The following FAXDC2 variants were observed in gnomAD, a reference collection of about 807,000 sequenced individuals.
FAXDC2 encodes fatty acid hydroxylase domain-containing protein 2.
A neutral mutation model predicts 40.9 loss-of-function variants in FAXDC2; 41 were observed. The observed-to-expected ratio is 1.00, with a 90% confidence interval of 0.78 to 1.30. The LOEUF is 1.30. Ranked by LOEUF, FAXDC2 falls within the 50% of genes most tolerant of loss-of-function variation. The pLI, the probability that FAXDC2 is intolerant of heterozygous loss-of-function variation, is 0.00. For synonymous variants in FAXDC2, 157 were observed against 149.3 expected, an observed-to-expected ratio of 1.05 and a Z score of -0.38; for missense variants, 390 against 408.8, an observed-to-expected ratio of 0.95 and a Z score of 0.40.
chr5:154,822,721 C>T (rs1273511650), intron 6 of FAXDC2, 144 bp from the exon 7 acceptor site: 3 of 663,778 alleles, frequency 4.5e-6, no homozygotes, highest in Non-Finnish European at 8.1e-6. Context: ...AAATTTCAAC[C>T]CCAGCCCTTA....
At chr5:154,837,924 C>T (rs1470514161) in intron 2 of FAXDC2, among the ~76,000 whole-genome samples, 2 of 152,178 alleles carry the variant, frequency 1.3e-5, no homozygotes, top group Non-Finnish European at 2.9e-5. Context: ...AACGCACATT[C>T]GCAGTCTGCA....
chr5:154,827,554 G>A (rs558866280), intron 5 of FAXDC2, among the ~76,000 whole-genome samples: 6 of 151,084 alleles, frequency 4.0e-5, no homozygotes, highest in African/African-American at 1.5e-4. Flanking sequence ...GCCAGGTTTC[G>A]CCAGCCTGTT....
chr5:154,834,512 C>T (rs1760269251), intron 4 of FAXDC2, 113 bp downstream of exon 4: 4 of 774,980 alleles, frequency 5.2e-6, no homozygotes, highest in African/African-American at 1.8e-5. Context: ...TTCAAGTCCT[C>T]ATCCCTTGGA....
intron 4 of FAXDC2, among the ~76,000 whole-genome samples, chr5:154,832,905 T>C (rs898530350): frequency 2.0e-5 from 3 of 152,330 alleles, no homozygotes; most frequent in Middle Eastern, 3.4e-3. Context: ...GTTCAGCCCA[T>C]TGTCAGAGTC....
In FAXDC2 at chr5:154,820,454, C is replaced by G; in HGVS notation, c.864G>C (p.Gly288=). The part of the protein sequence containing the change: ...YHHLKFNQCY[G]VLGVLDHLHG... ...GGAGGTGGTCCAGCACACCCAGCAC[C>G]CCATAGCACTGGTTGAACCTAGAAG... The change falls in exon 9 of 9, where the codon GGG becomes GGC. Residue 288 remains glycine, a synonymous_variant. Transcript: ENST00000326080. 6.2e-7 allele frequency: 1 copy of G among 1,612,116 alleles called. No individual in the cohort carries two copies. The highest frequency in any genetic ancestry group is 1.1e-5 in the South Asian group (1 of 90,870).
At chr5:154,844,062 T>C (rs571132457) in intron 1 of FAXDC2, among the ~76,000 whole-genome samples, 2 of 151,884 alleles carry the variant, frequency 1.3e-5, no homozygotes, top group East Asian at 3.9e-4. Flanking sequence ...CTACTAAAAA[T>C]ACAAAAATTA....
intron 1 of FAXDC2, among the ~76,000 whole-genome samples, chr5:154,842,824 C>T (rs1355963278): frequency 6.6e-6 from 1 of 151,376 alleles, no homozygotes; most frequent in African/African-American, 2.4e-5. Context: ...GCCACTGCAC[C>T]CGGCCCTTTT....
At chr5:154,842,914 C>A (rs748165310) in intron 1 of FAXDC2, among the ~76,000 whole-genome samples, 1 of 150,810 alleles carries the variant, frequency 6.6e-6, no homozygotes, top group African/African-American at 2.4e-5. Context: ...ATTAAGAGAT[C>A]CTCCTGCCTC....
intron 1 of FAXDC2, among the ~76,000 whole-genome samples, chr5:154,845,172 C>T (rs1760571251): frequency 1.3e-5 from 2 of 152,146 alleles, no homozygotes; most frequent in South Asian, 4.1e-4. Flanking sequence ...TATGTTATGC[C>T]AAAGCAGCTT....
chr5:154,836,765 C>T (rs1247576701), intron 2 of FAXDC2, among the ~76,000 whole-genome samples: 3 of 152,144 alleles, frequency 2.0e-5, no homozygotes, highest in Non-Finnish European at 4.4e-5. Flanking sequence ...ATTCTTGCCT[C>T]CCAAGTTCAA....
chr5:154,843,399 A>G (rs953509251), intron 1 of FAXDC2, among the ~76,000 whole-genome samples: 12 of 152,244 alleles, frequency 7.9e-5, no homozygotes, highest in African/African-American at 2.9e-4. Context: ...ACTATGTGCA[A>G]GGAGCTGTAG....
At chr5:154,840,570 C>T (rs1448160121) in intron 1 of FAXDC2, among the ~76,000 whole-genome samples, 1 of 151,970 alleles carries the variant, frequency 6.6e-6, no homozygotes, top group Non-Finnish European at 1.5e-5. Flanking sequence ...GCTCTGTTGC[C>T]CAGGCTGGAG....
chr5:154,846,135 T>C (rs1320448902), intron 1 of FAXDC2, among the ~76,000 whole-genome samples: 1 of 151,970 alleles, frequency 6.6e-6, no homozygotes, highest in African/African-American at 2.4e-5. Context: ...TTGAATTCAG[T>C]GCTCATTATA....
rs1278631945 is a variant in FAXDC2 at position 154,822,653 on chromosome 5, A to C, written c.573-76T>G. On this transcript the variant is annotated intron_variant, in intron 6 of 8. Coordinates refer to ENST00000326080, the MANE Select transcript of FAXDC2 (RefSeq NM_032385.5). ...CCCGACCAGACCATGAGAAACCAAAAATAGGAACTAGGGGTTACATCCATG... is the reference window on the plus strand; with the variant it reads ...CCCGACCAGACCATGAGAAACCAAACATAGGAACTAGGGGTTACATCCATG... 5 of 1,136,302 alleles carry C rather than the reference A, an allele frequency of 4.4e-6. No individual in the cohort carries two copies. In the African/African-American group the frequency reaches 7.6e-5, roughly 17 times the overall value. 70.4% of individuals were successfully genotyped at this position (1,136,302 alleles called of 1,614,324 possible).
intron 4 of FAXDC2, 104 bp downstream of exon 4, chr5:154,834,521 G>T: frequency 1.2e-6 from 1 of 834,468 alleles, no homozygotes; most frequent in Non-Finnish European, 1.9e-6. Flanking sequence ...TCATCCCTTG[G>T]AATAATAAAC....
Position 154,819,398 on chromosome 5 carries a change from T to C in FAXDC2, c.*918A>G, listed in dbSNP as rs985150317. 3.9e-5 allele frequency: 6 copies of C among 152,160 alleles called. No homozygotes were observed. Among genetic ancestry groups the C allele is most frequent in the Non-Finnish European group, 8.8e-5 (6 of 68,036 alleles). 9.4% of individuals were successfully genotyped at this position (152,160 alleles called of 1,614,324 possible). A position where few individuals can be genotyped will look rare whatever the true frequency, so the allele number is the denominator to read the frequency against. ...TCGGGGGAGAAAGGATTTTGCTCTT[T>C]GCTCTGCCATGTTTTTCCGGGCTCT... On this transcript the variant is annotated 3_prime_UTR_variant, in exon 9 of 9. Transcript: ENST00000326080.
intron 5 of FAXDC2, chr5:154,830,274 A>G (rs1046298346): frequency 6.5e-6 from 1 of 153,018 alleles, no homozygotes; most frequent in African/African-American, 2.4e-5. Context: ...GGCCTCACTT[A>G]TCATGGATTT....
rs549287741 is a variant in FAXDC2 at position 154,825,982 on chromosome 5, T to C, written c.367-2390A>G. On this transcript the variant is annotated intron_variant, in intron 5 of 8. Transcript: ENST00000326080. ...ATCATGAATTGGCAATTTCTATTAG[T>C]ATCCACGTGGAGATGTCAAGGAGGG... Among the ~76,000 whole-genome samples the C allele has an allele frequency of 8.2e-4, 125 of 152,258 alleles. 2 individuals are homozygous for C. The highest frequency in any genetic ancestry group is 6.8e-3 in the Middle Eastern group (2 of 294).
rs544544278 is a variant in FAXDC2 at position 154,842,314 on chromosome 5, C to T, written c.1-4136G>A. On this transcript the variant is annotated intron_variant, in intron 1 of 8. Transcript: ENST00000326080. ...CTGGGTTCAAGCAATTCTCCTGCCT[C>T]AGCCTCCCTAGTAGCTGAGATTACA... 1.1e-4 allele frequency among the ~76,000 whole-genome samples: 16 copies of T among 152,054 alleles called. 1 individual carries two copies. In the South Asian group the frequency reaches 3.1e-3, roughly 30 times the overall value.
Sources: allele counts gnomAD v4.1 joint callset (sites outside exome capture counted in the v4.1 genomes callset), GRCh38; gene constraint gnomAD v4.1.1; transcripts MANE v1.5; gene names NCBI Gene and HGNC (gene_info 2026-07-23, HGNC 2026-07-21).